The following IL1RAPL1 variants were observed in gnomAD, a reference collection of about 807,000 sequenced individuals.
The protein encoded by IL1RAPL1 is interleukin 1 receptor accessory protein like 1.
IL1RAPL1 carries 3 observed loss-of-function variants against 48.4 expected under a neutral mutation model. That is an observed-to-expected ratio of 0.06 (90% CI 0.03 to 0.16). The LOEUF is 0.16. IL1RAPL1 is among the 10% of genes least tolerant of loss of function. The pLI is 1.00. For missense variants in IL1RAPL1, 349 were observed against 530.6 expected (o/e 0.66, Z 3.36); for synonymous variants, 185 against 187.7 (o/e 0.99, Z 0.12).
chrX:28,687,768 C>T (rs1935128421), intron 1 of IL1RAPL1, among the ~76,000 whole-genome samples: 5 of 97,792 alleles, frequency 5.1e-5, no homozygotes, highest in African/African-American at 1.9e-4. Context: ...GGCGACAGAG[C>T]GAGACTCCGT....
chrX:28,752,824 C>T (rs1448860846), intron 1 of IL1RAPL1, among the ~76,000 whole-genome samples: 1 of 66,862 alleles, frequency 1.5e-5, no homozygotes, highest in African/African-American at 7.4e-5. Flanking sequence ...ATTTTCATTC[C>T]AATTTCAGGC....
At chrX:29,354,586 C>T (rs767888254) in intron 3 of IL1RAPL1, among the ~76,000 whole-genome samples, 2 of 112,112 alleles carry the variant, frequency 1.8e-5, no homozygotes, top group Non-Finnish European at 3.8e-5. Flanking sequence ...AACTATGTCT[C>T]ACTTCTGCTG....
chrX:29,930,485 A>G (rs758160642), intron 8 of IL1RAPL1, among the ~76,000 whole-genome samples: 12 of 112,004 alleles, frequency 1.1e-4, no homozygotes, highest in Non-Finnish European at 2.3e-4. Context: ...AGGCTACATG[A>G]AAACCTAATA....
At position 29,197,898 on chromosome X, in the gene IL1RAPL1, A is replaced by C. The variant is rs753253933; in HGVS notation, c.83-85040A>C. ...TAATTTTTGTATTTTTAGTAGAGAC[A>C]GGGTTTCTCTGTGTTGGTTAGGCTG... On this transcript the variant is annotated intron_variant, in intron 2 of 10. Transcript: ENST00000378993. Among the ~76,000 whole-genome samples the C allele has an allele frequency of 2.7e-5, 3 of 110,072 alleles. No individual in the cohort carries two copies. In the South Asian group the frequency reaches 1.2e-3, roughly 44 times the overall value.
At chrX:29,809,505 C>A (rs1362604732) in intron 6 of IL1RAPL1, among the ~76,000 whole-genome samples, 1 of 111,584 alleles carries the variant, frequency 9.0e-6, no homozygotes, top group African/African-American at 3.3e-5. Flanking sequence ...TATATCTTTA[C>A]TCGCCTTCAG....
At chrX:28,661,401 A>G (rs1310704914) in intron 1 of IL1RAPL1, among the ~76,000 whole-genome samples, 1 of 111,483 alleles carries the variant, frequency 9.0e-6, no homozygotes, top group African/African-American at 3.3e-5. Flanking sequence ...GTGATATATT[A>G]TTTGATTGAG....
intron 5 of IL1RAPL1, among the ~76,000 whole-genome samples, chrX:29,544,747 G>GTA (rs1177663339): frequency 4.5e-5 from 5 of 110,139 alleles, no homozygotes; most frequent in South Asian, 3.9e-4. Context: ...GTGTGTGTGT[G>GTA]TGTATGTGTG....
At chrX:29,117,839 T>C (rs750326338) in intron 2 of IL1RAPL1, among the ~76,000 whole-genome samples, 3 of 111,831 alleles carry the variant, frequency 2.7e-5, no homozygotes, top group Non-Finnish European at 5.7e-5. Context: ...TGTTGTTTAC[T>C]TAAATGTGAC....
intron 1 of IL1RAPL1, among the ~76,000 whole-genome samples, chrX:28,745,151 T>C (rs927507733): frequency 9.0e-6 from 1 of 111,703 alleles, no homozygotes; most frequent in Non-Finnish European, 1.9e-5. Flanking sequence ...GTTTTGCATG[T>C]AAAGCTTACT....
rs191973338 is a variant in IL1RAPL1 at position 29,686,719 on chromosome X, A to G, written c.778+18215A>G. On this transcript the variant is annotated intron_variant, in intron 6 of 10. Coordinates refer to ENST00000378993, the MANE Select transcript of IL1RAPL1 (RefSeq NM_014271.4). ...ACTACAGGCGCCCGCCACCACGCCC[A>G]GCTAATTTTTTGTATTTTTAGTACA... Among the ~76,000 whole-genome samples, 735 of 108,432 alleles carry G rather than the reference A, an allele frequency of 6.8e-3. 5 individuals carry two copies. The highest frequency in any genetic ancestry group is 0.023 in the African/African-American group (692 of 29,769). 94.2% of individuals were successfully genotyped at this position (108,432 alleles called of 115,157 possible).
At chrX:28,728,576 A>T (rs1334843617) in intron 1 of IL1RAPL1, among the ~76,000 whole-genome samples, 2 of 111,914 alleles carry the variant, frequency 1.8e-5, no homozygotes, top group Non-Finnish European at 3.8e-5. Flanking sequence ...AAGTTTCTTT[A>T]TTCTAAAAAA....
intron 6 of IL1RAPL1, among the ~76,000 whole-genome samples, chrX:29,906,494 T>C (rs1932629654): frequency 2.0e-5 from 1 of 50,160 alleles, no homozygotes; most frequent in South Asian, 1.2e-3. Context: ...TATATATATA[T>C]ATATATATAT....
chrX:29,482,375 A>G (rs1234704538), intron 5 of IL1RAPL1, among the ~76,000 whole-genome samples: 2 of 112,029 alleles, frequency 1.8e-5, no homozygotes, highest in African/African-American at 6.5e-5. Context: ...TATCTTATAC[A>G]TATGGGTATG....
chrX:29,067,814 A>T (rs1927481931), intron 2 of IL1RAPL1, among the ~76,000 whole-genome samples: 1 of 112,015 alleles, frequency 8.9e-6, no homozygotes, highest in Admixed American at 9.5e-5. Context: ...GTGTTAAGCA[A>T]TTCCCCAATG....
chrX:29,049,198 G>A (rs1299120399), intron 2 of IL1RAPL1, among the ~76,000 whole-genome samples: 5 of 112,077 alleles, frequency 4.5e-5, no homozygotes, highest in South Asian at 7.3e-4. Context: ...TTTTCAGACC[G>A]TTTTATTGGC....
At chrX:29,726,946 C>T (rs766546111) in intron 6 of IL1RAPL1, among the ~76,000 whole-genome samples, 3 of 112,069 alleles carry the variant, frequency 2.7e-5, no homozygotes, top group Non-Finnish European at 5.6e-5. Flanking sequence ...GCAATGAGTG[C>T]CTTTGACGTC....
At chrX:29,615,210 G>A (rs747546204) in intron 5 of IL1RAPL1, among the ~76,000 whole-genome samples, 1 of 111,906 alleles carries the variant, frequency 8.9e-6, no homozygotes, top group African/African-American at 3.2e-5. Context: ...GGGAAAAATC[G>A]AAAAACAAAT....
chrX:29,182,107 C>A (rs971663090), intron 2 of IL1RAPL1, among the ~76,000 whole-genome samples: 3 of 109,595 alleles, frequency 2.7e-5, no homozygotes, highest in Admixed American at 2.0e-4. Flanking sequence ...TAGCCTTGCC[C>A]CCCCCCACCC....
intron 2 of IL1RAPL1, among the ~76,000 whole-genome samples, chrX:28,982,571 G>A (rs1447093013): frequency 1.8e-5 from 2 of 111,408 alleles, no homozygotes; most frequent in Non-Finnish European, 3.8e-5. Flanking sequence ...TTCAAACAAG[G>A]GTATGTATTT....
Sources: gnomAD v4.1 joint callset for allele counts (sites outside exome capture counted in the v4.1 genomes callset) on GRCh38, gnomAD v4.1.1 for gene constraint, MANE v1.5 for transcripts, NCBI Gene and HGNC (gene_info 2026-07-23, HGNC 2026-07-21) for gene names.